Variants in ORC6 observed in about 807,000 individuals in gnomAD.
ORC6 encodes the protein origin recognition complex, subunit 6 homolog-like (yeast).
ORC6 carries 31 observed loss-of-function variants against 30.0 expected under a neutral mutation model. The observed-to-expected ratio is 1.03, with a 90% CI of 0.78 to 1.40. The LOEUF (loss-of-function observed/expected upper bound fraction) is 1.40, where lower values mean the gene tolerates loss of function less well. ORC6 is among the 40% of genes most tolerant of loss of function. The pLI, the probability that ORC6 is intolerant of heterozygous loss-of-function variation, is 0.00. For synonymous variants in ORC6, 136 were observed against 111.2 expected, an observed-to-expected ratio of 1.22 and a Z score of -1.40; for missense variants, 340 against 304.3, an observed-to-expected ratio of 1.12 and a Z score of -0.87.
At chr16:46,693,376 C>G (rs1427825229) in intron 4 of ORC6, 194 bp downstream of exon 4, 3 of 605,766 alleles carry the variant, frequency 5.0e-6, no homozygotes, top group Non-Finnish European at 8.8e-6. Context: ...ACTAGTGTTG[C>G]CAGAATTCCA....
In ORC6 at chr16:46,696,329, G is replaced by A. The variant is rs549990766; in HGVS notation, c.631+244G>A. ...CCAGCACTTTGGGAGGCTGAGGCGG[G>A]AGGATTGCTTGAGCCCATGAGTGCG... On this transcript the variant is annotated intron_variant, in intron 6 of 6. Coordinates refer to ENST00000219097, the MANE Select transcript of ORC6 (RefSeq NM_014321.4). 1.5e-3 allele frequency: 794 copies of A among 535,186 alleles called. 2 individuals are homozygous for A. Among genetic ancestry groups the A allele is most frequent in the Non-Finnish European group, 2.3e-3 (673 of 296,282 alleles). 33.2% of individuals were successfully genotyped at this position (535,186 alleles called of 1,614,324 possible).
chr16:46,691,482 A>G lies in ORC6; in HGVS notation c.195+362A>G, dbSNP rs546552551. 2.6e-4 allele frequency among the ~76,000 whole-genome samples: 39 copies of G among 152,290 alleles called. No individual in the cohort carries two copies. The South Asian group carries it at 7.9e-3, about 31-fold the overall frequency. On this transcript the variant is annotated intron_variant, in intron 2 of 6. Coordinates refer to ENST00000219097, the MANE Select transcript of ORC6 (RefSeq NM_014321.4). ...CAGTCAGGAGGAGTTTCATGTTGAGATCAAATCTCCACACTAGCTACCTCT... is the reference window on the plus strand; with the variant it reads ...CAGTCAGGAGGAGTTTCATGTTGAGGTCAAATCTCCACACTAGCTACCTCT...
chr16:46,692,463 A>C lies in ORC6; in HGVS notation c.277A>C (p.Asn93His), dbSNP rs1215685606. Reference protein sequence around the residue: ...LKSFECLLGLNSNIGIRDLAV... With the variant: ...LKSFECLLGLHSNIGIRDLAV... ...ATCTTTTGAGTGTTTACTGGGCCTG[A>C]ATTCAAATATTGGAATAAGAGACCT... Residue 93 changes from asparagine (N) to histidine (H), a missense_variant, in exon 3 of 7, where the codon AAT (asparagine) becomes CAT (histidine). Transcript: ENST00000219097. 6.2e-7 allele frequency: 1 copy of C among 1,613,564 alleles called. No individual in the cohort carries two copies. Among genetic ancestry groups the C allele is most frequent in the Non-Finnish European group, 8.5e-7 (1 of 1,179,464 alleles).
At chr16:46,695,189 G>C (rs1163734589) in intron 4 of ORC6, 2 of 241,364 alleles carry the variant, frequency 8.3e-6, no homozygotes, top group Non-Finnish European at 1.6e-5. Flanking sequence ...TTTCAGGGTG[G>C]GGTGGGGTTG....
chr16:46,695,581 G>T lies in ORC6; in HGVS notation c.469G>T (p.Asp157Tyr). 6.2e-7 allele frequency: 1 copy of T among 1,612,634 alleles called. No individual in the cohort carries two copies. The highest frequency in any genetic ancestry group is 8.5e-7 in the Non-Finnish European group (1 of 1,178,738). ...SACKILKLKV[D>Y]KNKMVATSGV... The stretch of plus-strand genomic sequence containing the variant: ...TTGTAGGATTCTAAAGCTGAAAGTG[G>T]ATAAAAACAAAATGGTAGCCACATC... The change falls in exon 5 of 7, where the codon GAT becomes TAT. Residue 157 changes from aspartate to tyrosine, a missense_variant. By Grantham distance (160) the Asp-to-Tyr change is radical. Coordinates refer to ENST00000219097, the MANE Select transcript of ORC6 (RefSeq NM_014321.4).
At position 46,689,728 on chromosome 16, in the gene ORC6, G is replaced by T. The variant is rs754832466; in HGVS notation, c.23G>T (p.Arg8Leu). Reference protein sequence around the residue: MGSELIGRLAPRLGLAEP... With the variant: MGSELIGLLAPRLGLAEP... ...GCCATGGGGTCGGAGCTGATCGGGC[G>T]CCTAGCCCCGCGCCTGGGCCTCGCC... The change falls in exon 1 of 7, where the codon CGC becomes CTC. Residue 8 changes from arginine (R) to leucine (L), a missense_variant. By Grantham distance (102) the Arg-to-Leu change is moderately radical (BLOSUM62 -2). Coordinates refer to ENST00000219097, the MANE Select transcript of ORC6 (RefSeq NM_014321.4). The T allele has an allele frequency of 5.6e-6, 9 of 1,601,970 alleles. No homozygotes were observed. Among genetic ancestry groups the T allele is most frequent in the African/African-American group, 1.3e-5 (1 of 74,816 alleles).
At position 46,696,053 on chromosome 16, in the gene ORC6, G is replaced by A. The variant is rs1381366330; in HGVS notation, c.599G>A (p.Arg200Lys). The change falls in exon 6 of 7, where the codon AGA becomes AAA. Residue 200 changes from arginine (R) to lysine (K), a missense_variant. By Grantham distance (26) the Arg-to-Lys change is conservative. Transcript: ENST00000219097. ...GATGTAGCTACTCCACCACGGAAGAGAAAGAAGATAGTGGTTGAAGCCCCA... is the reference window on the plus strand; with the variant it reads ...GATGTAGCTACTCCACCACGGAAGAAAAAGAAGATAGTGGTTGAAGCCCCA... ...PGDVATPPRKRKKIVVEAPAK... is the reference protein window; with the variant it reads ...PGDVATPPRKKKKIVVEAPAK... The A allele has an allele frequency of 3.1e-6, 5 of 1,613,702 alleles. No individual in the cohort carries two copies. Among genetic ancestry groups the A allele is most frequent in the Non-Finnish European group, 4.2e-6 (5 of 1,179,552 alleles).
chr16:46,697,159 G>A (rs1039714207), intron 6 of ORC6, among the ~76,000 whole-genome samples: 1 of 152,134 alleles, frequency 6.6e-6, no homozygotes, highest in Non-Finnish European at 1.5e-5. Context: ...TGGAATGCTT[G>A]GAGTGTAAGG....
rs1966540947 is a variant in ORC6 at position 46,698,093 on chromosome 16, T to C, written c.*508T>C. On this transcript the variant is annotated 3_prime_UTR_variant, in exon 7 of 7. Coordinates refer to ENST00000219097, the MANE Select transcript of ORC6 (RefSeq NM_014321.4). ...TTGCACCACCGCACTCCAGCCTGGG[T>C]GACAGAGCGAGACTTATCTCATAAA... The C allele has an allele frequency of 2.3e-6, 1 of 431,920 alleles. No individual in the cohort carries two copies. The highest frequency in any genetic ancestry group is 4.7e-6 in the Non-Finnish European group (1 of 211,952). 26.8% of individuals were successfully genotyped at this position (431,920 alleles called of 1,614,324 possible).
chr16:46,690,666 A>G (rs1416405624), intron 1 of ORC6: 2 of 379,608 alleles, frequency 5.3e-6, no homozygotes, highest in African/African-American at 4.2e-5. Flanking sequence ...TAAAGGAAAT[A>G]GGAGGAAAGG....
In ORC6 at chr16:46,697,964, A is replaced by C. The variant is rs1966538901; in HGVS notation, c.*379A>C. On this transcript the variant is annotated 3_prime_UTR_variant, in exon 7 of 7. Transcript: ENST00000219097. ...ACCCCATCTCTACTAAAAATACAAAAATTAGCCAGGTGTGATGGTGCATGC... is the reference window on the plus strand; with the variant it reads ...ACCCCATCTCTACTAAAAATACAAACATTAGCCAGGTGTGATGGTGCATGC... The C allele has an allele frequency of 2.3e-6, 1 of 436,236 alleles. No homozygotes were observed. Among genetic ancestry groups the C allele is most frequent in the African/African-American group, 2.0e-5 (1 of 49,552 alleles). 27.0% of individuals were successfully genotyped at this position (436,236 alleles called of 1,614,324 possible).
intron 5 of ORC6, 43 bp from the exon 6 acceptor site, chr16:46,695,974 T>A (rs1270971808): frequency 7.1e-7 from 1 of 1,416,206 alleles, no homozygotes; most frequent in Non-Finnish European, 1.0e-6. Flanking sequence ...AATACTGAAA[T>A]TGAGAACAGG....
At chr16:46,694,508 T>A (rs1285761601) in intron 4 of ORC6, 1 of 138,882 alleles carries the variant, frequency 7.2e-6, no homozygotes, top group South Asian at 2.4e-4. Context: ...CCCCACCTCC[T>A]TCCTGGACGG....
chr16:46,690,916 C>T, intron 1 of ORC6, 75 bp from the exon 2 acceptor site: 5 of 1,498,430 alleles, frequency 3.3e-6, no homozygotes, highest in Non-Finnish European at 4.6e-6. Flanking sequence ...GCTAACCAGG[C>T]TGTATTCATT....
intron 2 of ORC6, among the ~76,000 whole-genome samples, chr16:46,691,369 A>G (rs1455619976): frequency 6.6e-6 from 1 of 152,186 alleles, no homozygotes; most frequent in Non-Finnish European, 1.5e-5. Flanking sequence ...CATTGCTGCT[A>G]GCATTACCCT....
At position 46,697,535 on chromosome 16, in the gene ORC6, A is replaced by C. The variant is rs776204787; in HGVS notation, c.709A>C (p.Arg237=). The C allele has an allele frequency of 3.1e-6, 5 of 1,614,006 alleles. No individual in the cohort carries two copies. The Admixed American group carries it at 6.7e-5, about 22-fold the overall frequency. Residue 237 remains arginine, a synonymous_variant, in exon 7 of 7, where the codon AGA becomes CGA. Coordinates refer to ENST00000219097, the MANE Select transcript of ORC6 (RefSeq NM_014321.4). Reference sequence around the variant, plus strand: ...GACACAGGATTATGAAGAATGGAAAAGAAAAATTTTGGAAAATGCTGCCAG... The same window carrying C: ...GACACAGGATTATGAAGAATGGAAACGAAAAATTTTGGAAAATGCTGCCAG... The part of the protein sequence containing the change: ...DLTQDYEEWK[R]KILENAASAQ...
chr16:46,689,938 T>C, intron 1 of ORC6, 168 bp downstream of exon 1: 1 of 964,854 alleles, frequency 1.0e-6, no homozygotes, highest in South Asian at 1.8e-5. Flanking sequence ...GGCCGTGAGC[T>C]TGAATGAGAT....
chr16:46,693,423 C>G, intron 4 of ORC6: 1 of 562,662 alleles, frequency 1.8e-6, no homozygotes, highest in Admixed American at 3.1e-5. Flanking sequence ...GCTGGGAATT[C>G]TGATTTCAGT....
Position 46,691,047 on chromosome 16 carries a change from G to A in ORC6, c.122G>A (p.Arg41His). ...GTGAAGTGTGTCGGCCTCTCCGCAC[G>A]CACCACGGAGACCAGCAGTGCAGTC... is the stretch of plus-strand genomic sequence containing the variant. Reference protein sequence around the residue: ...SRVKCVGLSARTTETSSAVMC... With the variant: ...SRVKCVGLSAHTTETSSAVMC... Residue 41 changes from arginine (R) to histidine (H), a missense_variant, in exon 2 of 7, where the codon CGC becomes CAC. Physicochemically the swap from Arg to His is conservative, Grantham distance 29. Transcript: ENST00000219097. 5 of 1,613,780 alleles carry A rather than the reference G, an allele frequency of 3.1e-6. No individual in the cohort carries two copies. Among genetic ancestry groups the A allele is most frequent in the Non-Finnish European group, 4.2e-6 (5 of 1,179,640 alleles).
Sources: allele counts gnomAD v4.1 joint callset (sites outside exome capture counted in the v4.1 genomes callset), GRCh38; gene constraint gnomAD v4.1.1; transcripts MANE v1.5; gene names NCBI Gene and HGNC (gene_info 2026-07-23, HGNC 2026-07-21).